STARD10: variants seen among roughly 807,000 people sequenced by gnomAD.
STARD10 encodes START domain-containing protein 10.
STARD10 carries 24 observed loss-of-function variants against 36.0 expected under a neutral mutation model. The observed-to-expected ratio is 0.67, with a 90% CI of 0.48 to 0.94. STARD10 has a LOEUF of 0.94. Among genes scored for constraint, STARD10 ranks in the 40% least tolerant of loss-of-function variants. The probability of loss-of-function intolerance (pLI) is 0.00; values close to 1 mark genes in which losing one functional copy is unlikely to be tolerated. For missense variants in STARD10, 335 were observed against 396.6 expected (o/e 0.84, Z 1.32); for synonymous variants, 156 against 161.9 (o/e 0.96, Z 0.28).
At position 72,793,654 on chromosome 11, in the gene STARD10, G is replaced by T. The variant is rs1024288060; in HGVS notation, c.-893C>A. 1.1e-4 allele frequency: 17 copies of T among 152,342 alleles called. No individual in the cohort carries two copies. The highest frequency in any genetic ancestry group is 3.8e-4 in the African/African-American group (16 of 41,572). 9.4% of individuals were successfully genotyped at this position (152,342 alleles called of 1,614,324 possible). On this transcript the variant is annotated 5_prime_UTR_variant, in exon 1 of 7. Coordinates refer to ENST00000334805, the MANE Select transcript of STARD10 (RefSeq NM_006645.3). Reference sequence around the variant, plus strand: ...GGACCGTTAGGTTACTATTTATTACGGTTATCTTCGCTCAGGCGCCCCCAC... The same window carrying T: ...GGACCGTTAGGTTACTATTTATTACTGTTATCTTCGCTCAGGCGCCCCCAC...
intron 5 of STARD10, among the ~76,000 whole-genome samples, chr11:72,757,305 C>G (rs963308545): frequency 1.3e-5 from 2 of 152,162 alleles, no homozygotes; most frequent in Non-Finnish European, 2.9e-5. Flanking sequence ...CTGGACACAA[C>G]GAGGCTTAGG....
chr11:72,775,941 T>C (rs1235594617), intron 2 of STARD10, among the ~76,000 whole-genome samples: 2 of 152,016 alleles, frequency 1.3e-5, no homozygotes, highest in Non-Finnish European at 2.9e-5. Flanking sequence ...AGGCACCTCC[T>C]CCAGGAAGAC....
chr11:72,781,291 G>T lies in STARD10; in HGVS notation c.-110C>A. On this transcript the variant is annotated 5_prime_UTR_variant, in exon 2 of 7. Transcript: ENST00000334805. The surrounding 1 kb of genome is among the most constrained non-coding windows in gnomAD (Gnocchi z 4.7). The stretch of plus-strand genomic sequence containing the variant: ...TGCAGATGCTGACGCCACCTTCCTG[G>T]GACCTGCAAGACCGGTTTGGGGACG... 1 of 919,040 alleles carries T rather than the reference G, an allele frequency of 1.1e-6. No homozygotes were observed. The highest frequency in any genetic ancestry group is 1.7e-6 in the Non-Finnish European group (1 of 605,790). 56.9% of individuals were successfully genotyped at this position (919,040 alleles called of 1,614,324 possible).
chr11:72,778,991 C>T (rs1011713890), intron 2 of STARD10, among the ~76,000 whole-genome samples: 7 of 152,222 alleles, frequency 4.6e-5, no homozygotes, highest in African/African-American at 1.4e-4. Context: ...TGGTCTGTTG[C>T]AGTCAGCCTG....
intron 1 of STARD10, chr11:72,782,506 C>G (rs537955437): frequency 6.6e-6 from 1 of 152,608 alleles, no homozygotes; most frequent in South Asian, 2.1e-4. Context: ...TCCAGCCCCA[C>G]ACTCTGGCCC....
At chr11:72,759,754 G>A (rs951774334) in intron 2 of STARD10, among the ~76,000 whole-genome samples, 2 of 152,162 alleles carry the variant, frequency 1.3e-5, no homozygotes, top group Non-Finnish European at 2.9e-5. Flanking sequence ...CTGGAGCCTG[G>A]AATAGCTACA....
rs552736689 is a variant in STARD10, at chr11:72,785,462, G to A, written c.-113-4168C>T. ...CACCTGGGAGCCTACTCGGGAGGCT[G>A]AGGCAGGAAAATCGCTTGAACCTGG... On this transcript the variant is annotated intron_variant, in intron 1 of 6. Coordinates refer to ENST00000334805, the MANE Select transcript of STARD10 (RefSeq NM_006645.3). Among the ~76,000 whole-genome samples the A allele has an allele frequency of 2.7e-5, 4 of 149,800 alleles. No individual in the cohort carries two copies. In the South Asian group the frequency reaches 8.5e-4, roughly 32 times the overall value.
At chr11:72,783,959 A>G (rs971200881) in intron 1 of STARD10, among the ~76,000 whole-genome samples, 10 of 152,184 alleles carry the variant, frequency 6.6e-5, no homozygotes, top group African/African-American at 1.9e-4. Flanking sequence ...GGGTCAGTAA[A>G]GGTGGGCGAC....
chr11:72,766,028 T>A (rs1049858379), intron 2 of STARD10: 3 of 152,084 alleles, frequency 2.0e-5, no homozygotes, highest in Admixed American at 1.3e-4. Flanking sequence ...TAGTGAGTGA[T>A]CTCAATTGAT....
Position 72,786,861 on chromosome 11 carries a change from C to G in STARD10, c.-113-5567G>C, listed in dbSNP as rs752930556. On this transcript the variant is annotated intron_variant, in intron 1 of 6. Coordinates refer to ENST00000334805, the MANE Select transcript of STARD10 (RefSeq NM_006645.3). ...TTGAGATGCTAAGGTGGGAAGACTGCTTGAGGCCAGGAGTTGGAGACCAGC... is the reference window on the plus strand; with the variant it reads ...TTGAGATGCTAAGGTGGGAAGACTGGTTGAGGCCAGGAGTTGGAGACCAGC... Among the ~76,000 whole-genome samples the G allele has an allele frequency of 2.5e-4, 38 of 152,202 alleles. 1 individual carries two copies. Among genetic ancestry groups the G allele is most frequent in the African/African-American group, 8.2e-4 (34 of 41,514 alleles).
At chr11:72,760,011 A>C (rs1454371888) in intron 2 of STARD10, among the ~76,000 whole-genome samples, 2 of 151,456 alleles carry the variant, frequency 1.3e-5, no homozygotes, top group Admixed American at 1.3e-4. Flanking sequence ...CCCGGGTTCA[A>C]GTGATTCTCC....
rs747420654 is a variant in STARD10 at position 72,754,865 on chromosome 11, G to C, written c.*32C>G. The C allele has an allele frequency of 1.9e-6, 3 of 1,586,458 alleles. No homozygotes were observed. The African/African-American group carries it at 4.0e-5, about 21-fold the overall frequency. ...CGGCCGCCGCCCCAGGGCTCGCCCG[G>C]TCCTGTCTCCGTCCCTGAAGCGGTG... On this transcript the variant is annotated 3_prime_UTR_variant, in exon 7 of 7. Transcript: ENST00000334805.
intron 5 of STARD10, 24 bp from the exon 6 acceptor site, chr11:72,755,777 A>C: frequency 1.2e-6 from 2 of 1,601,962 alleles, no homozygotes; most frequent in Non-Finnish European, 1.7e-6. Flanking sequence ...GAAGGGAGGA[A>C]GCAGCCTCAG....
intron 2 of STARD10, among the ~76,000 whole-genome samples, chr11:72,774,076 G>A (rs1407833534): frequency 6.6e-6 from 1 of 152,202 alleles, no homozygotes; most frequent in Non-Finnish European, 1.5e-5. Context: ...CACTCTGGCA[G>A]GGTCCAAAGA....
Position 72,757,748 on chromosome 11 carries a change from G to A in STARD10, c.577+19C>T. On this transcript the variant is annotated intron_variant, in intron 5 of 6. Coordinates refer to ENST00000334805, the MANE Select transcript of STARD10 (RefSeq NM_006645.3). Reference sequence around the variant, plus strand: ...ATAGGGAAGGATCCCATGATAGGCTGCCAGGGCCAAGCCCTCACCTTTGGG... The same window carrying A: ...ATAGGGAAGGATCCCATGATAGGCTACCAGGGCCAAGCCCTCACCTTTGGG... 4.3e-6 allele frequency: 7 copies of A among 1,609,544 alleles called. No homozygotes were observed. Among genetic ancestry groups the A allele is most frequent in the Non-Finnish European group, 6.0e-6 (7 of 1,176,350 alleles).
At chr11:72,785,986 TAGA>T (rs1371233632) in intron 1 of STARD10, 1 of 152,172 alleles carries the variant, frequency 6.6e-6, no homozygotes, top group Non-Finnish European at 1.5e-5. Flanking sequence ...GGCACTGTTC[TAGA>T]AGATTAGGCA....
At position 72,755,704 on chromosome 11, in the gene STARD10, G is replaced by A. The variant is rs751209147; in HGVS notation, c.627C>T (p.Pro209=). Residue 209 remains proline (P), a synonymous_variant, in exon 6 of 7, where the codon CCC becomes CCT. Coordinates refer to ENST00000334805, the MANE Select transcript of STARD10 (RefSeq NM_006645.3). Reference sequence around the variant, plus strand: ...CCAAAATCCCAAGGCCACTCACCTTGGGAGCCAGGAACTGAGAAGATTTAT... The same window carrying A: ...CCAAAATCCCAAGGCCACTCACCTTAGGAGCCAGGAACTGAGAAGATTTAT... ...VVNKSSQFLA[P]KAMKKMYKAC... 2 of 1,613,752 alleles carry A rather than the reference G, an allele frequency of 1.2e-6. No homozygotes were observed. The highest frequency in any genetic ancestry group is 2.2e-5 in the South Asian group (2 of 91,058).
chr11:72,769,685 A>G (rs1858833675), intron 2 of STARD10, among the ~76,000 whole-genome samples: 1 of 152,230 alleles, frequency 6.6e-6, no homozygotes, highest in African/African-American at 2.4e-5. Flanking sequence ...TCCCAGGACT[A>G]CAAATTTGTA....
rs1317389381 is a variant in STARD10 at position 72,793,422 on chromosome 11, AGC to A, written c.-663_-662del. The A allele has an allele frequency of 1.3e-5, 2 of 152,280 alleles. No individual in the cohort carries two copies. Among genetic ancestry groups the A allele is most frequent in the African/African-American group, 4.8e-5 (2 of 41,472 alleles). The allele number at this position is 152,280 out of a possible 1,614,324, so 9.4% of individuals were successfully genotyped here. A position where few individuals can be genotyped will look rare whatever the true frequency, so the allele number is the denominator to read the frequency against. ...GGAACAAAATTACCCAAAGTCACAC[AGC>A]AAGCTGGAAGCAGAGCCTGGGTGCA... On this transcript the variant is annotated 5_prime_UTR_variant, in exon 1 of 7. Coordinates refer to ENST00000334805, the MANE Select transcript of STARD10 (RefSeq NM_006645.3).
Sources: allele counts gnomAD v4.1 joint callset (sites outside exome capture counted in the v4.1 genomes callset), GRCh38; gene constraint gnomAD v4.1.1; non-coding constraint Gnocchi (gnomAD v3.1); transcripts MANE v1.5; gene names NCBI Gene and HGNC (gene_info 2026-07-23, HGNC 2026-07-21).